Variants in IMPDH1 observed in about 807,000 individuals in gnomAD.
IMPDH1 encodes inosine monophosphate dehydrogenase 1.
Under a neutral mutation model 73.5 loss-of-function variants are expected in IMPDH1, and 41 were observed. That is an observed-to-expected ratio of 0.56 (90% confidence interval 0.43 to 0.72). The LOEUF is 0.72. Among genes scored for constraint, IMPDH1 ranks in the 30% least tolerant of loss-of-function variants. The pLI is 0.00. For missense variants in IMPDH1, 645 were observed against 824.8 expected (o/e 0.78, Z 2.67); for synonymous variants, 318 against 334.3 (o/e 0.95, Z 0.53).
intron 4 of IMPDH1, among the ~76,000 whole-genome samples, chr7:128,405,429 C>G (rs1798646763): frequency 6.6e-6 from 1 of 152,184 alleles, no homozygotes; most frequent in South Asian, 2.1e-4. Context: ...TGGGAGGGGG[C>G]GTCCTGGACC....
chr7:128,403,644 G>C, intron 5 of IMPDH1, 62 bp downstream of exon 5: 1 of 1,457,116 alleles, frequency 6.9e-7, no homozygotes, highest in African/African-American at 1.4e-5. Flanking sequence ...CCCTGAGCAA[G>C]AAGTCAGCCT....
In IMPDH1 at chr7:128,394,635, G is replaced by A. The variant is rs1445209441; in HGVS notation, c.1551-36C>T. 6.2e-7 allele frequency: 1 copy of A among 1,611,080 alleles called. No individual in the cohort carries two copies. The highest frequency in any genetic ancestry group is 1.3e-5 in the African/African-American group (1 of 74,902). On this transcript the variant is annotated intron_variant, in intron 14 of 16. Coordinates refer to ENST00000338791, the MANE Select transcript of IMPDH1 (RefSeq NM_000883.4). This position sits in a 1 kb window ranked among gnomAD's most constrained non-coding sequence, Gnocchi z 5.5. ...GGTGGAAGACTGAGCCCAGCAGCTT[G>A]AAGCTCAGAGGACCCCACCCCACCT...
Position 128,395,136 on chromosome 7 carries a change from G to C in IMPDH1, c.1400C>G (p.Ser467Cys). The C allele has an allele frequency of 6.2e-7, 1 of 1,614,034 alleles. No homozygotes were observed. Among genetic ancestry groups the C allele is most frequent in the Non-Finnish European group, 8.5e-7 (1 of 1,180,036 alleles). Reference sequence around the variant, plus strand: ...CCAGCACATTCTCCCCTCACCTGTGGAGGCTCCAAGGGCCAGGGCCTTGAC... The same window carrying C: ...CCAGCACATTCTCCCCTCACCTGTGCAGGCTCCAAGGGCCAGGGCCTTGAC... ...HVVKALALGA[S>C]TVMMGSLLAA... Residue 467 changes from serine to cysteine, a missense_variant, in exon 13 of 17, where the codon TCC becomes TGC. By Grantham distance (112) the Ser-to-Cys change is moderately radical. Transcript: ENST00000338791.
In IMPDH1 at chr7:128,397,025, G is replaced by A. The variant is rs1797968829; in HGVS notation, c.1075-3C>T. On this transcript the variant is annotated splice_region_variant and splice_polypyrimidine_tract_variant and intron_variant, in intron 10 of 16. Coordinates refer to ENST00000338791, the MANE Select transcript of IMPDH1 (RefSeq NM_000883.4). ...ACCGAATTCCCTTGGGACGAGTCCT[G>A]TGAGAAAGGACGGAAGAGCTTGGGC... is the stretch of plus-strand genomic sequence containing the variant. 1.9e-6 allele frequency: 3 copies of A among 1,610,734 alleles called. No individual in the cohort carries two copies. Among genetic ancestry groups the A allele is most frequent in the Middle Eastern group, 3.3e-4 (2 of 6,056 alleles).
chr7:128,404,341 A>T lies in IMPDH1; in HGVS notation c.354-587T>A, dbSNP rs192965668. 1.8e-4 allele frequency among the ~76,000 whole-genome samples: 27 copies of T among 152,284 alleles called. No homozygotes were observed. The East Asian group carries it at 4.6e-3, about 26-fold the overall frequency. Reference sequence around the variant, plus strand: ...ATGGCCAGGACGGGAAAGGGGAGGAAAGAGGCCTTAGAGGTGGGACCAGGA... The same window carrying T: ...ATGGCCAGGACGGGAAAGGGGAGGATAGAGGCCTTAGAGGTGGGACCAGGA... On this transcript the variant is annotated intron_variant, in intron 4 of 16. Transcript: ENST00000338791.
In IMPDH1 at chr7:128,409,477, A is replaced by G; in HGVS notation, c.154T>C (p.Leu52=). The G allele has an allele frequency of 6.2e-7, 1 of 1,614,178 alleles. No homozygotes were observed. The highest frequency in any genetic ancestry group is 8.5e-7 in the Non-Finnish European group (1 of 1,180,012). ...GTCGTCGGGTGTGTAGCGAGGTCCA[A>G]TCTAGGGCTAAGATTTTAGGGAAGG... ...QAGYEPESPR[L]DLATHPTTPR... is the part of the protein sequence containing the mutation. Residue 52 remains leucine, a synonymous_variant, in exon 2 of 17, where the codon TTG becomes CTG. Coordinates refer to ENST00000338791, the MANE Select transcript of IMPDH1 (RefSeq NM_000883.4).
intron 16 of IMPDH1, 62 bp from the exon 17 acceptor site, chr7:128,393,090 A>G (rs1276381603): frequency 1.9e-6 from 3 of 1,579,950 alleles, no homozygotes; most frequent in Non-Finnish European, 2.6e-6. Context: ...CCTTCCCAAA[A>G]CCCTTTCCCC....
chr7:128,405,975 C>T, intron 3 of IMPDH1, 110 bp from the exon 4 acceptor site: 1 of 861,862 alleles, frequency 1.2e-6, no homozygotes, highest in Non-Finnish European at 1.4e-6. Flanking sequence ...GCTGCTGCCG[C>T]GGGCCGGGCG....
At chr7:128,403,519 C>T (rs1021820052) in intron 5 of IMPDH1, among the ~76,000 whole-genome samples, 187 bp downstream of exon 5, 7 of 149,706 alleles carry the variant, frequency 4.7e-5, no homozygotes, top group Non-Finnish European at 5.9e-5. Context: ...GATCACACCA[C>T]TGCACTCCAG....
chr7:128,409,613 G>A, intron 1 of IMPDH1, 129 bp from the exon 2 acceptor site: 1 of 1,517,360 alleles, frequency 6.6e-7, no homozygotes, highest in Non-Finnish European at 9.1e-7. Context: ...GGCGTTTCGG[G>A]AAGTTAGAGG....
Position 128,398,440 on chromosome 7 carries a change from G to T in IMPDH1, c.1048C>A (p.Gln350Lys). Residue 350 changes from glutamine (Q) to lysine (K), a missense_variant, in exon 10 of 17, where the codon CAG becomes AAG. Gln to Lys is a moderately conservative substitution (Grantham distance 53). This residue lies in a region of IMPDH1 where 459 missense variants were observed against 638.2 expected (regional missense o/e 0.72). Transcript: ENST00000338791. The surrounding 1 kb of genome is among the most constrained non-coding windows in gnomAD (Gnocchi z 4.3). Reference sequence around the variant, plus strand: ...AAGACTATGACGTCGACGCCCGCCTGGGTGAGCAGGTCCAGACGGTATTTG... The same window carrying T: ...AAGACTATGACGTCGACGCCCGCCTTGGTGAGCAGGTCCAGACGGTATTTG... ...DDKYRLDLLT[Q>K]AGVDVIVLDS... The T allele has an allele frequency of 1.2e-6, 2 of 1,613,436 alleles. No homozygotes were observed. Among genetic ancestry groups the T allele is most frequent in the East Asian group, 4.5e-5 (2 of 44,882 alleles).
chr7:128,398,148 G>A lies in IMPDH1; in HGVS notation c.1074+266C>T, dbSNP rs1798058639. ...TGTATCTCAGATGACACAAACCATTGTTTGTTTTTTGAGAAAGGGTCTCGT... is the reference window on the plus strand; with the variant it reads ...TGTATCTCAGATGACACAAACCATTATTTGTTTTTTGAGAAAGGGTCTCGT... On this transcript the variant is annotated intron_variant, in intron 10 of 16. Transcript: ENST00000338791. This position sits in a 1 kb window ranked among gnomAD's most constrained non-coding sequence, Gnocchi z 4.3. 6.6e-6 allele frequency among the ~76,000 whole-genome samples: 1 copy of A among 152,166 alleles called. No homozygotes were observed. The highest frequency in any genetic ancestry group is 2.4e-5 in the African/African-American group (1 of 41,424).
In IMPDH1 at chr7:128,405,757, C is replaced by T. The variant is rs372758663; in HGVS notation, c.353+10G>A. On this transcript the variant is annotated intron_variant, in intron 4 of 16. Transcript: ENST00000338791. ...TGCGCGCACCTAGGGGTACGAGACCCGGCGCTTACTTGTAGGTGAGGCCGT... is the reference window on the plus strand; with the variant it reads ...TGCGCGCACCTAGGGGTACGAGACCTGGCGCTTACTTGTAGGTGAGGCCGT... The T allele has an allele frequency of 1.8e-5, 28 of 1,534,682 alleles. No homozygotes were observed. Among genetic ancestry groups the T allele is most frequent in the Non-Finnish European group, 2.4e-5 (27 of 1,141,488 alleles).
Position 128,398,992 on chromosome 7 carries a change from C to T in IMPDH1, c.875-379G>A, listed in dbSNP as rs565736230. Among the ~76,000 whole-genome samples the T allele has an allele frequency of 2.0e-5, 3 of 152,338 alleles. No individual in the cohort carries two copies. Among genetic ancestry groups the T allele is most frequent in the African/African-American group, 7.2e-5 (3 of 41,578 alleles). On this transcript the variant is annotated intron_variant, in intron 9 of 16. Transcript: ENST00000338791. This position sits in a 1 kb window ranked among gnomAD's most constrained non-coding sequence, Gnocchi z 4.3. ...CCTGTCCAATACAGACACCAAAGAACCCTCCAGTATGGACCAGGGAAGCAT... is the reference window on the plus strand; with the variant it reads ...CCTGTCCAATACAGACACCAAAGAATCCTCCAGTATGGACCAGGGAAGCAT...
chr7:128,404,601 C>T (rs184491599), intron 4 of IMPDH1, among the ~76,000 whole-genome samples: 7 of 152,068 alleles, frequency 4.6e-5, no homozygotes, highest in Non-Finnish European at 8.8e-5. Flanking sequence ...GCATCCCTAG[C>T]GCAGGAAGGA....
At position 128,409,304 on chromosome 7, in the gene IMPDH1, C is replaced by A. The variant is rs1247565206; in HGVS notation, c.239G>T (p.Arg80Leu). ...GTGTCCTCACCTAGCCCTGCGAAGG[C>A]GATCCATCTGGACACCAACACCTGC... is the stretch of plus-strand genomic sequence containing the variant. ...LLAGVGVQMD[R>L]LRRASMADYL... The change falls in exon 3 of 17, where the codon CGC becomes CTC. Residue 80 changes from arginine to leucine, a missense_variant. Around this residue, in one of 2 missense-constraint regions of IMPDH1, gnomAD observed 186 missense variants for 186.6 expected, o/e 1.00. Coordinates refer to ENST00000338791, the MANE Select transcript of IMPDH1 (RefSeq NM_000883.4). 1 of 1,613,904 alleles carries A rather than the reference C, an allele frequency of 6.2e-7. No individual in the cohort carries two copies. Among genetic ancestry groups the A allele is most frequent in the Non-Finnish European group, 8.5e-7 (1 of 1,179,942 alleles).
chr7:128,405,976 G>C (rs1459178371), intron 3 of IMPDH1, 111 bp from the exon 4 acceptor site: 49 of 865,708 alleles, frequency 5.7e-5, no homozygotes, highest in Non-Finnish European at 6.5e-5. Context: ...CTGCTGCCGC[G>C]GGCCGGGCGG....
chr7:128,404,764 A>G (rs1315426468), intron 4 of IMPDH1, among the ~76,000 whole-genome samples: 4 of 152,196 alleles, frequency 2.6e-5, no homozygotes, highest in Admixed American at 6.5e-5. Flanking sequence ...CACCAAAAAA[A>G]CAAAGAATTT....
intron 3 of IMPDH1, among the ~76,000 whole-genome samples, chr7:128,408,819 G>A (rs569483556): frequency 6.6e-6 from 1 of 152,310 alleles, no homozygotes; most frequent in East Asian, 1.9e-4. Flanking sequence ...AGTTGCCTAA[G>A]CCTGAGTCAA....
Sources: allele counts gnomAD v4.1 joint callset (sites outside exome capture counted in the v4.1 genomes callset), GRCh38; gene constraint gnomAD v4.1.1; regional missense constraint gnomAD v4.1.1; non-coding constraint Gnocchi (gnomAD v3.1); transcripts MANE v1.5; gene names NCBI Gene and HGNC (gene_info 2026-07-23, HGNC 2026-07-21).